The following MCTP2 variants were observed in gnomAD, a reference collection of about 807,000 sequenced individuals.
MCTP2 encodes multiple C2 and transmembrane domain containing 2.
MCTP2 carries 132 observed loss-of-function variants against 111.6 expected under a neutral mutation model. That is an observed-to-expected ratio of 1.18 (90% confidence interval 1.03 to 1.37). The LOEUF is 1.37. MCTP2 is among the 40% of genes most tolerant of loss of function. The pLI is 0.00. For missense variants in MCTP2, 1,183 were observed against 1,067.9 expected (o/e 1.11, Z -1.50); for synonymous variants, 395 against 387.7 (o/e 1.02, Z -0.22).
intron 20 of MCTP2, among the ~76,000 whole-genome samples, chr15:94,466,224 T>C (rs980630317): frequency 6.6e-6 from 1 of 152,166 alleles, no homozygotes; most frequent in East Asian, 1.9e-4. Context: ...CTGAAATCTT[T>C]TCTTTCAGAT....
At chr15:94,349,677 G>A (rs904390988) in intron 8 of MCTP2, among the ~76,000 whole-genome samples, 12 of 151,986 alleles carry the variant, frequency 7.9e-5, no homozygotes, top group South Asian at 2.1e-4. Flanking sequence ...AAAATTAGCC[G>A]GGCGTGGTGG....
intron 1 of MCTP2, among the ~76,000 whole-genome samples, chr15:94,295,555 A>C (rs1272570763): frequency 6.6e-6 from 1 of 152,180 alleles, no homozygotes; most frequent in Non-Finnish European, 1.5e-5. Flanking sequence ...CTTCAGCAGC[A>C]GCCGCTGCAT....
chr15:94,303,652 C>T (rs114151404), intron 2 of MCTP2, among the ~76,000 whole-genome samples: 1,607 of 152,222 alleles, frequency 0.011, 37 homozygotes, highest in African/African-American at 0.036. Context: ...GTGGTTCAGT[C>T]ATCTCCCATG....
chr15:94,461,293 C>CTACTAAAA (rs953817222), intron 20 of MCTP2, among the ~76,000 whole-genome samples: 46 of 152,248 alleles, frequency 3.0e-4, no homozygotes, highest in African/African-American at 1.1e-3. Context: ...AACCCCGTCT[C>CTACTAAAA]TACTAAAAAT....
chr15:94,449,405 G>A (rs901885729), intron 19 of MCTP2, among the ~76,000 whole-genome samples: 5 of 151,800 alleles, frequency 3.3e-5, no homozygotes, highest in African/African-American at 9.7e-5. Flanking sequence ...CAGGATAGTG[G>A]CAACACTCAA....
chr15:94,448,373 A>C (rs1384328708), intron 19 of MCTP2, among the ~76,000 whole-genome samples: 1 of 152,208 alleles, frequency 6.6e-6, no homozygotes, highest in Non-Finnish European at 1.5e-5. Flanking sequence ...GCCAGACTCA[A>C]TTAGATGAAT....
intron 20 of MCTP2, among the ~76,000 whole-genome samples, chr15:94,467,667 T>C (rs2152537600): frequency 6.6e-6 from 1 of 152,314 alleles, no homozygotes; most frequent in South Asian, 2.1e-4. Context: ...TATTTAAATA[T>C]TACTAACCAG....
intron 4 of MCTP2, among the ~76,000 whole-genome samples, chr15:94,333,299 G>A (rs1362558478): frequency 1.3e-5 from 2 of 152,156 alleles, no homozygotes; most frequent in Non-Finnish European, 2.9e-5. Context: ...AAATAATACT[G>A]TATAAAGACT....
At chr15:94,242,685 T>A (rs530566855) in intron 1 of MCTP2, among the ~76,000 whole-genome samples, 6 of 51,952 alleles carry the variant, frequency 1.2e-4, no homozygotes, top group African/African-American at 5.3e-4. Flanking sequence ...ACACTGAAAG[T>A]TTTTTTTTAA....
At chr15:94,329,268 A>G (rs1180509118) in intron 4 of MCTP2, among the ~76,000 whole-genome samples, 1 of 152,114 alleles carries the variant, frequency 6.6e-6, no homozygotes, top group Non-Finnish European at 1.5e-5. Flanking sequence ...GAACTTTCTA[A>G]CTTTCCTCAT....
At chr15:94,410,982 GC>G (rs1487492741) in intron 17 of MCTP2, among the ~76,000 whole-genome samples, 1 of 152,154 alleles carries the variant, frequency 6.6e-6, no homozygotes, top group Non-Finnish European at 1.5e-5. Context: ...TAGCAAAATG[GC>G]CAAAAGGCAG....
chr15:94,457,993 ATATT>A, intron 19 of MCTP2, 140 bp from the exon 20 acceptor site: 1 of 565,210 alleles, frequency 1.8e-6, no homozygotes. Context: ...GGGGGAGTCA[ATATT>A]TAAGTTGTAA....
At chr15:94,400,301 G>A (rs2081505592) in intron 16 of MCTP2, among the ~76,000 whole-genome samples, 1 of 152,140 alleles carries the variant, frequency 6.6e-6, no homozygotes, top group South Asian at 2.1e-4. Context: ...AAGACTGTCA[G>A]TGTCTTGTCC....
rs746330087 is a variant in MCTP2, at chr15:94,315,605, A to C, written c.605A>C (p.Glu202Ala). The change falls in exon 4 of 23, where the codon GAA (glutamate) becomes GCA (alanine). Residue 202 changes from glutamate to alanine, a missense_variant. Physicochemically the swap from Glu to Ala is moderately radical, Grantham distance 107. Coordinates refer to ENST00000357742, the MANE Select transcript of MCTP2 (RefSeq NM_001385001.1). ...TACCTCCTCACCATACACCTGAAGG[A>C]AGGCCGGAACCTGGTTGTCCGAGAT... is the stretch of plus-strand genomic sequence containing the variant. ...FAYLLTIHLK[E>A]GRNLVVRDRC... is the part of the protein sequence containing the mutation. The C allele has an allele frequency of 5.6e-6, 9 of 1,614,086 alleles. No homozygotes were observed. The South Asian group carries it at 9.9e-5, about 18-fold the overall frequency.
In MCTP2 at chr15:94,401,966, C is replaced by G; in HGVS notation, c.2032C>G (p.Leu678Val). The G allele has an allele frequency of 6.2e-7, 1 of 1,613,208 alleles. No individual in the cohort carries two copies. Among genetic ancestry groups the G allele is most frequent in the Non-Finnish European group, 8.5e-7 (1 of 1,179,306 alleles). ...GGCAATATGGAATACAATGCAGTTC[C>G]TTAAAAGCTGCTTCCAGTGGGAATC... Reference protein sequence around the residue: ...TMAIWNTMQFLKSCFQWESTL... With the variant: ...TMAIWNTMQFVKSCFQWESTL... Residue 678 changes from leucine (L) to valine (V), a missense_variant, in exon 17 of 23, where the codon CTT (leucine) becomes GTT (valine). Transcript: ENST00000357742.
chr15:94,408,446 C>T (rs1030637101), intron 17 of MCTP2, among the ~76,000 whole-genome samples: 2 of 152,034 alleles, frequency 1.3e-5, no homozygotes, highest in African/African-American at 4.8e-5. Flanking sequence ...AGATAGTTTC[C>T]CTAGTCTTCC....
chr15:94,442,748 C>T (rs1390605686), intron 18 of MCTP2, among the ~76,000 whole-genome samples, 171 bp from the exon 19 acceptor site: 1 of 152,186 alleles, frequency 6.6e-6, no homozygotes, highest in East Asian at 1.9e-4. Flanking sequence ...TGTTTAGAGT[C>T]CTGCCACAGT....
At chr15:94,320,304 A>G (rs1195192032) in intron 4 of MCTP2, among the ~76,000 whole-genome samples, 2 of 151,888 alleles carry the variant, frequency 1.3e-5, no homozygotes, top group Non-Finnish European at 2.9e-5. Context: ...CACCACGCCC[A>G]GCTAATTTTT....
chr15:94,347,311 AT>A (rs1317728760), intron 8 of MCTP2, among the ~76,000 whole-genome samples: 5 of 152,124 alleles, frequency 3.3e-5, no homozygotes, highest in African/African-American at 1.2e-4. Context: ...ATTGTATTTA[AT>A]ATTATGTAAT....
Sources: gnomAD v4.1 joint callset for allele counts (sites outside exome capture counted in the v4.1 genomes callset) on GRCh38, gnomAD v4.1.1 for gene constraint, MANE v1.5 for transcripts, NCBI Gene and HGNC (gene_info 2026-07-23, HGNC 2026-07-21) for gene names.